The following EIF2AK1 variants were observed in gnomAD, a reference collection of about 807,000 sequenced individuals.
EIF2AK1 encodes the protein eukaryotic translation initiation factor 2 alpha kinase 1.
A neutral mutation model predicts 77.9 loss-of-function variants in EIF2AK1; 54 were observed. The ratio of observed to expected loss-of-function variants is 0.69; its 90% CI spans 0.56 to 0.87. The LOEUF (loss-of-function observed/expected upper bound fraction) is 0.87. Ranked by LOEUF, EIF2AK1 falls within the 40% of genes least tolerant of loss-of-function variation. The pLI, the probability that EIF2AK1 is intolerant of heterozygous loss-of-function variation, is 0.00. For missense variants in EIF2AK1, 810 were observed against 768.6 expected, an observed-to-expected ratio of 1.05 and a Z score of -0.64; for synonymous variants, 314 against 290.5, an observed-to-expected ratio of 1.08 and a Z score of -0.82.
At chr7:6,056,080 G>A (rs1307792151) in intron 1 of EIF2AK1, among the ~76,000 whole-genome samples, 1 of 150,610 alleles carries the variant, frequency 6.6e-6, no homozygotes, top group Admixed American at 6.6e-5. Flanking sequence ...ATCACCTGAG[G>A]TCAGGAGCTC....
intron 9 of EIF2AK1, among the ~76,000 whole-genome samples, 179 bp downstream of exon 9, chr7:6,040,713 T>C (rs1228033839): frequency 6.6e-6 from 1 of 150,892 alleles, no homozygotes; most frequent in Non-Finnish European, 1.5e-5. Context: ...CGTGGAGGAG[T>C]TAACTAAGTG....
rs1430443438 is a variant in EIF2AK1 at position 6,027,231 on chromosome 7, T to TAA, written c.1531-271_1531-270insTT. On this transcript the variant is annotated intron_variant, in intron 13 of 14. Transcript: ENST00000199389. This position sits in a 1 kb window ranked among gnomAD's most constrained non-coding sequence, Gnocchi z 4.5. ...AGCAGTCACGACCATACAACTGTCTTCAGCACCCCTTAACAATCCAGGCCT... is the reference window on the plus strand; with the variant it reads ...AGCAGTCACGACCATACAACTGTCTTAACAGCACCCCTTAACAATCCAGGCCT... Among the ~76,000 whole-genome samples, 1 of 152,122 alleles carries TAA rather than the reference T, an allele frequency of 6.6e-6. No homozygotes were observed. The highest frequency in any genetic ancestry group is 1.5e-5 in the Non-Finnish European group (1 of 68,018).
At chr7:6,058,793 C>G (rs898087299) in intron 1 of EIF2AK1, among the ~76,000 whole-genome samples, 173 bp downstream of exon 1, 1 of 152,224 alleles carries the variant, frequency 6.6e-6, no homozygotes, top group Admixed American at 6.6e-5. Flanking sequence ...TTTACCTTAC[C>G]CGACGGCCCG....
intron 2 of EIF2AK1, among the ~76,000 whole-genome samples, chr7:6,052,996 A>T (rs1237676247): frequency 2.6e-5 from 4 of 152,100 alleles, no homozygotes; most frequent in Non-Finnish European, 4.4e-5. Context: ...TTATCATAGT[A>T]TAGATGCAAA....
At chr7:6,039,386 C>T (rs754981568) in intron 9 of EIF2AK1, among the ~76,000 whole-genome samples, 6 of 151,856 alleles carry the variant, frequency 4.0e-5, no homozygotes, top group Non-Finnish European at 7.4e-5. Context: ...TCTTGGAAGG[C>T]CAAGGCAGGT....
At position 6,059,068 on chromosome 7, in the gene EIF2AK1, A is replaced by C; in HGVS notation, c.16T>G (p.Ser6Ala). The change falls in exon 1 of 15, where the codon TCC becomes GCC. Residue 6 changes from serine to alanine, a missense_variant. By Grantham distance (99) the Ser-to-Ala change is moderately conservative. Around this residue, in one of 3 missense-constraint regions of EIF2AK1, gnomAD observed 246 missense variants for 199.0 expected, o/e 1.24. Transcript: ENST00000199389. Reference sequence around the variant, plus strand: ...TCCTCTTCGCGCTTGCGGACCCCGGAGTTGCCCCCCTGCATCGCCGGCCGC... The same window carrying C: ...TCCTCTTCGCGCTTGCGGACCCCGGCGTTGCCCCCCTGCATCGCCGGCCGC... MQGGN[S>A]GVRKREEEGD... is the part of the protein sequence containing the mutation. The C allele has an allele frequency of 6.8e-7, 1 of 1,460,232 alleles. No individual in the cohort carries two copies. Among genetic ancestry groups the C allele is most frequent in the Non-Finnish European group, 9.0e-7 (1 of 1,112,708 alleles). 90.5% of individuals were successfully genotyped at this position (1,460,232 alleles called of 1,614,324 possible). A position where few individuals can be genotyped will look rare whatever the true frequency, so the allele number is the denominator to read the frequency against.
At chr7:6,051,368 T>A (rs969271170) in intron 2 of EIF2AK1, among the ~76,000 whole-genome samples, 3 of 151,058 alleles carry the variant, frequency 2.0e-5, no homozygotes, top group Non-Finnish European at 4.4e-5. Flanking sequence ...ATCTCCAGGG[T>A]TCATGCGATT....
rs867975463 is a variant in EIF2AK1 at position 6,036,187 on chromosome 7, G to A, written c.1332+1237C>T. ...AATAACCAAGGAATTCTACCTGCAG[G>A]AATCATGCTACCAGAATTCCGCCTC... On this transcript the variant is annotated intron_variant, in intron 11 of 14. Coordinates refer to ENST00000199389, the MANE Select transcript of EIF2AK1 (RefSeq NM_014413.4). The surrounding 1 kb of genome is among the most constrained non-coding windows in gnomAD (Gnocchi z 4.6). 2.6e-6 allele frequency: 4 copies of A among 1,549,582 alleles called. No individual in the cohort carries two copies. The highest frequency in any genetic ancestry group is 3.5e-6 in the Non-Finnish European group (4 of 1,146,558).
intron 1 of EIF2AK1, 138 bp from the exon 2 acceptor site, chr7:6,054,842 T>G (rs1314173471): frequency 1.1e-6 from 1 of 916,178 alleles, no homozygotes; most frequent in Non-Finnish European, 1.6e-6. Context: ...TATGCTGAGT[T>G]GGGTTAATCA....
chr7:6,043,917 G>C (rs1027562862), intron 7 of EIF2AK1, among the ~76,000 whole-genome samples: 3 of 151,374 alleles, frequency 2.0e-5, no homozygotes, highest in Non-Finnish European at 4.4e-5. Context: ...TGGGCAACAT[G>C]GTGAAACCCT....
rs1266467389 is a variant in EIF2AK1, at chr7:6,022,609, G to C, written c.*2064C>G. The C allele has an allele frequency of 2.6e-5, 4 of 152,248 alleles. No homozygotes were observed. Among genetic ancestry groups the C allele is most frequent in the Non-Finnish European group, 5.9e-5 (4 of 68,122 alleles). The allele number at this position is 152,248 out of a possible 1,614,324, so 9.4% of individuals were successfully genotyped here. On this transcript the variant is annotated 3_prime_UTR_variant, in exon 15 of 15. Coordinates refer to ENST00000199389, the MANE Select transcript of EIF2AK1 (RefSeq NM_014413.4). The stretch of plus-strand genomic sequence containing the variant: ...AGCCTGTGGGATAGTTCTAGAGGAG[G>C]AGCAGAGATGAAGCAACGCAAAGAT...
intron 8 of EIF2AK1, among the ~76,000 whole-genome samples, chr7:6,042,039 C>G (rs1788313909): frequency 6.6e-6 from 1 of 152,078 alleles, no homozygotes; most frequent in Non-Finnish European, 1.5e-5. Flanking sequence ...GTCCCAGCTA[C>G]TCAGGCAGCT....
In EIF2AK1 at chr7:6,059,073, C is replaced by T. The variant is rs760799297; in HGVS notation, c.11G>A (p.Gly4Asp). The change falls in exon 1 of 15, where the codon GGC becomes GAC. Residue 4 changes from glycine to aspartate, a missense_variant. Around this residue, in one of 3 missense-constraint regions of EIF2AK1, gnomAD observed 246 missense variants for 199.0 expected, o/e 1.24. Transcript: ENST00000199389. Reference protein sequence around the residue: MQGGNSGVRKREEE... With the variant: MQGDNSGVRKREEE... ...TTCGCGCTTGCGGACCCCGGAGTTGCCCCCCTGCATCGCCGGCCGCGCGCG... is the reference window on the plus strand; with the variant it reads ...TTCGCGCTTGCGGACCCCGGAGTTGTCCCCCTGCATCGCCGGCCGCGCGCG... The T allele has an allele frequency of 1.5e-5, 21 of 1,444,702 alleles. 1 individual carries two copies. Among genetic ancestry groups the T allele is most frequent in the Middle Eastern group, 4.0e-4 (2 of 4,956 alleles). The allele number at this position is 1,444,702 out of a possible 1,614,324, so 89.5% of individuals were successfully genotyped here.
intron 11 of EIF2AK1, 61 bp downstream of exon 11, chr7:6,037,363 A>G: frequency 9.2e-7 from 1 of 1,086,426 alleles, no homozygotes; most frequent in South Asian, 1.3e-5. Context: ...ATCAACCAAC[A>G]TCAAGTCGTC....
chr7:6,042,016 G>T (rs1206229155), intron 8 of EIF2AK1, among the ~76,000 whole-genome samples: 1 of 152,118 alleles, frequency 6.6e-6, no homozygotes, highest in African/African-American at 2.4e-5. Context: ...AGACATGGTG[G>T]CGCAAGCTTG....
At chr7:6,045,892 C>G (rs2128890352) in intron 6 of EIF2AK1, among the ~76,000 whole-genome samples, 179 bp downstream of exon 6, 1 of 151,806 alleles carries the variant, frequency 6.6e-6, no homozygotes, top group South Asian at 2.1e-4. Flanking sequence ...GAGTGAAACT[C>G]CATCTCAAAA....
rs1788467075 is a variant in EIF2AK1, at chr7:6,047,087, T to G, written c.454A>C (p.Arg152=). ...DISRIQKIRS[R]EVALEAQTSR... is the part of the protein sequence containing the mutation. ...GTTTGTGCTTCCAAGGCTACTTCCC[T>G]TGATCTGAAAGTTAAATACAAACAA... The change falls in exon 5 of 15, where the codon AGG becomes CGG. Residue 152 remains arginine, a synonymous_variant. Coordinates refer to ENST00000199389, the MANE Select transcript of EIF2AK1 (RefSeq NM_014413.4). 1.2e-6 allele frequency: 2 copies of G among 1,612,198 alleles called. No homozygotes were observed. The highest frequency in any genetic ancestry group is 2.7e-5 in the African/African-American group (2 of 74,858).
chr7:6,034,512 C>G (rs1337658939), intron 11 of EIF2AK1, among the ~76,000 whole-genome samples: 1 of 152,056 alleles, frequency 6.6e-6, no homozygotes, highest in African/African-American at 2.4e-5. Flanking sequence ...ACTGCATGCA[C>G]TATGTGAGGC....
At position 6,022,445 on chromosome 7, in the gene EIF2AK1, C is replaced by T. The variant is rs773791638; in HGVS notation, c.*2228G>A. On this transcript the variant is annotated 3_prime_UTR_variant, in exon 15 of 15. Transcript: ENST00000199389. ...GTCGGGGGTCAGTGTCCCTAACCCC[C>T]CCACTGTTCAAGGGTTAGCTGTACT... 6.6e-6 allele frequency: 1 copy of T among 152,000 alleles called. No individual in the cohort carries two copies. 9.4% of individuals were successfully genotyped at this position (152,000 alleles called of 1,614,324 possible).
Sources: allele counts gnomAD v4.1 joint callset (sites outside exome capture counted in the v4.1 genomes callset), GRCh38; gene constraint gnomAD v4.1.1; regional missense constraint gnomAD v4.1.1; non-coding constraint Gnocchi (gnomAD v3.1); transcripts MANE v1.5; gene names NCBI Gene and HGNC (gene_info 2026-07-23, HGNC 2026-07-21).